The following TAS2R1 variants were observed in gnomAD, a reference collection of about 807,000 sequenced individuals.
The protein encoded by TAS2R1 is taste receptor type 2 member 1.
For synonymous variants in TAS2R1, 141 were observed against 134.2 expected (o/e 1.05, Z -0.35); for missense variants, 370 against 353.4 (o/e 1.05, Z -0.38).
At chr5:9,841,079 G>A in the TAS2R1 span, among the ~76,000 whole-genome samples, 1 of 151,928 alleles carries the variant, frequency 6.6e-6, no homozygotes, top group Non-Finnish European at 1.5e-5. Flanking sequence ...ATTCTACTGT[G>A]ATCTAACTTC....
At chr5:9,745,856 G>T in the TAS2R1 span, among the ~76,000 whole-genome samples, 1 of 152,034 alleles carries the variant, frequency 6.6e-6, no homozygotes, top group African/African-American at 2.4e-5. Context: ...CATAGGCATG[G>T]GCAAACACTT....
chr5:9,653,034 TC>T (rs1740337378), intron 2 of TAS2R1, among the ~76,000 whole-genome samples: 1 of 152,118 alleles, frequency 6.6e-6, no homozygotes, highest in African/African-American at 2.4e-5. Context: ...AAACAATAAC[TC>T]ACCATTTCCT....
At chr5:9,840,757 G>C in the TAS2R1 span, among the ~76,000 whole-genome samples, 2 of 151,104 alleles carry the variant, frequency 1.3e-5, no homozygotes, top group African/African-American at 4.9e-5. Flanking sequence ...TTTTAGTGAA[G>C]GTGTGCTAGT....
rs533018399 is a variant in TAS2R1 at position 9,645,506 on chromosome 5, T to C, written c.-81+13915A>G. 5.9e-5 allele frequency: 9 copies of C among 152,336 alleles called. No homozygotes were observed. The East Asian group carries it at 1.7e-3, about 29-fold the overall frequency. 9.4% of individuals were successfully genotyped at this position (152,336 alleles called of 1,614,324 possible). ...CATCTGGCATTTGTCCCCTTGCCTT[T>C]ACCCTGACTTTCTTTCCAGGAACCA... On this transcript the variant is annotated intron_variant, in intron 2 of 2. Coordinates refer to the TAS2R1 transcript ENST00000506620.
At chr5:9,644,479 C>A (rs892397647) in intron 2 of TAS2R1, among the ~76,000 whole-genome samples, 2 of 152,002 alleles carry the variant, frequency 1.3e-5, no homozygotes, top group Non-Finnish European at 2.9e-5. Context: ...CCCTGGTGAG[C>A]AATGGAGCCA....
chr5:9,757,349 T>C, the TAS2R1 span, among the ~76,000 whole-genome samples: 21 of 152,288 alleles, frequency 1.4e-4, no homozygotes, highest in Non-Finnish European at 2.9e-4. Flanking sequence ...TGACCTCTAG[T>C]ATAGTCTCAA....
chr5:9,754,017 T>G, the TAS2R1 span, among the ~76,000 whole-genome samples: 1 of 152,168 alleles, frequency 6.6e-6, no homozygotes. Context: ...AATAAAATAC[T>G]GGCAAACCAA....
At chr5:9,896,416 C>T in the TAS2R1 span, among the ~76,000 whole-genome samples, 6 of 152,152 alleles carry the variant, frequency 3.9e-5, no homozygotes, top group Admixed American at 1.3e-4. Flanking sequence ...CCAAAAAGAA[C>T]CTAATTGGTT....
the TAS2R1 span, among the ~76,000 whole-genome samples, chr5:9,843,167 A>G: frequency 6.6e-6 from 1 of 151,952 alleles, no homozygotes; most frequent in Admixed American, 6.6e-5. Flanking sequence ...ATGTTGGCTC[A>G]CCTCTCTATA....
At chr5:9,676,369 T>C (rs938613862) in intron 1 of TAS2R1, among the ~76,000 whole-genome samples, 2 of 152,110 alleles carry the variant, frequency 1.3e-5, no homozygotes, top group Non-Finnish European at 2.9e-5. Context: ...ACTAAAAAAC[T>C]GCAGCAATCA....
At chr5:9,861,037 G>GTTTTTTTTTTTTTTTTTTT in the TAS2R1 span, among the ~76,000 whole-genome samples, 250 of 88,528 alleles carry the variant, frequency 2.8e-3, 21 homozygotes, top group Middle Eastern at 7.5e-3. Flanking sequence ...GGAAGATGAG[G>GTTTTTTTTTTTTTTTTTTT]TTTTTTTTTT....
upstream of TAS2R1, among the ~76,000 whole-genome samples, chr5:9,633,294 T>TATTATATATATATATATA (rs1476544403): frequency 1.9e-4 from 13 of 67,818 alleles, no homozygotes; most frequent in African/African-American, 8.5e-4. Flanking sequence ...TGTGTGTATA[T>TATTATATATATATATATA]TATATATATA....
chr5:9,825,780 T>C, the TAS2R1 span, among the ~76,000 whole-genome samples: 4 of 152,212 alleles, frequency 2.6e-5, no homozygotes, highest in Admixed American at 2.6e-4. Flanking sequence ...CACGCTCAAA[T>C]TGTTATAAGT....
chr5:9,662,631 A>G (rs1740560832), intron 1 of TAS2R1, among the ~76,000 whole-genome samples: 1 of 152,298 alleles, frequency 6.6e-6, no homozygotes, highest in African/African-American at 2.4e-5. Context: ...ACATACATGC[A>G]TGCTCTCACA....
chr5:9,651,264 T>C (rs577326688), intron 2 of TAS2R1, among the ~76,000 whole-genome samples: 1 of 152,312 alleles, frequency 6.6e-6, no homozygotes, highest in African/African-American at 2.4e-5. Context: ...TTAATCCTCA[T>C]TGTGGTATTA....
intron 1 of TAS2R1, among the ~76,000 whole-genome samples, chr5:9,680,877 A>C (rs1052950880): frequency 6.6e-6 from 1 of 151,764 alleles, no homozygotes; most frequent in Middle Eastern, 3.2e-3. Flanking sequence ...ACATGGAAAA[A>C]CCCTGTCTCT....
intron 1 of TAS2R1, among the ~76,000 whole-genome samples, chr5:9,701,815 C>T (rs1024300286): frequency 3.9e-5 from 6 of 152,282 alleles, no homozygotes; most frequent in South Asian, 2.1e-4. Context: ...AGTTCCTCTT[C>T]TTTCTTGCAG....
chr5:9,761,999 A>T, the TAS2R1 span, among the ~76,000 whole-genome samples: 1 of 152,116 alleles, frequency 6.6e-6, no homozygotes. Flanking sequence ...TGGCGTCCCC[A>T]CGAGCCTTGC....
the TAS2R1 span, among the ~76,000 whole-genome samples, chr5:9,718,940 G>C: frequency 1.5e-3 from 224 of 152,250 alleles, no homozygotes; most frequent in Non-Finnish European, 2.5e-3. Flanking sequence ...ATTAAAGTAG[G>C]CTAAAGAGTC....
Sources: gnomAD v4.1 joint callset for allele counts (sites outside exome capture counted in the v4.1 genomes callset) on GRCh38, gnomAD v4.1.1 for gene constraint, MANE v1.5 for transcripts, NCBI Gene and HGNC (gene_info 2026-07-23, HGNC 2026-07-21) for gene names.